TSHZ2: variants seen among roughly 807,000 people sequenced by gnomAD.
TSHZ2 encodes the protein teashirt homolog 2.
In TSHZ2, 21 loss-of-function variants were observed where a neutral mutation model predicts 74.4. That is an observed-to-expected ratio of 0.28 (90% CI 0.20 to 0.41). TSHZ2 has a LOEUF of 0.41. Ranked by LOEUF, TSHZ2 falls within the 10% of genes least tolerant of loss-of-function variation. The pLI is 1.00. For missense variants in TSHZ2, 1,244 were observed against 1,293.5 expected (o/e 0.96, Z 0.59); for synonymous variants, 540 against 515.3 (o/e 1.05, Z -0.65).
At chr20:53,277,747 A>G (rs1990975954) in intron 2 of TSHZ2, among the ~76,000 whole-genome samples, 1 of 152,228 alleles carries the variant, frequency 6.6e-6, no homozygotes, top group African/African-American at 2.4e-5. Flanking sequence ...AGGAAAGCAC[A>G]TACCCTTAAA....
chr20:53,429,830 T>C (rs1485956788), intron 2 of TSHZ2, among the ~76,000 whole-genome samples: 1 of 152,140 alleles, frequency 6.6e-6, no homozygotes, highest in Non-Finnish European at 1.5e-5. Context: ...ATTGTGTGTG[T>C]GTGTGTCAGG....
At position 53,491,918 on chromosome 20, in the gene TSHZ2, T is replaced by C. The variant is rs543089037; in HGVS notation, c.*4783T>C. 2.0e-5 allele frequency: 3 copies of C among 152,234 alleles called. No homozygotes were observed. In the East Asian group the frequency reaches 5.8e-4, roughly 29 times the overall value. The allele number at this position is 152,234 out of a possible 1,614,324, so 9.4% of individuals were successfully genotyped here. On this transcript the variant is annotated 3_prime_UTR_variant, in exon 3 of 3. Coordinates refer to ENST00000371497, the MANE Select transcript of TSHZ2 (RefSeq NM_173485.6). ...AAGGCCTTTTAAAATACAGGCTGTT[T>C]GAAAAAAGACAGATTAAATATTCAC... is the stretch of plus-strand genomic sequence containing the variant.
chr20:53,368,228 T>C (rs1203319431), intron 2 of TSHZ2, among the ~76,000 whole-genome samples: 4 of 151,712 alleles, frequency 2.6e-5, no homozygotes, highest in Non-Finnish European at 5.9e-5. Flanking sequence ...ACGAGATCTT[T>C]ACACAGAACG....
At chr20:53,048,262 A>G (rs1984299845) in intron 1 of TSHZ2, among the ~76,000 whole-genome samples, 1 of 152,168 alleles carries the variant, frequency 6.6e-6, no homozygotes. Flanking sequence ...CTTTGTTTTC[A>G]TAAGTTACAA....
intron 1 of TSHZ2, among the ~76,000 whole-genome samples, chr20:53,044,108 G>T (rs1207626155): frequency 1.3e-5 from 2 of 152,204 alleles, no homozygotes; most frequent in Non-Finnish European, 2.9e-5. Flanking sequence ...TCCCTTGTTT[G>T]AAATGCTTAG....
intron 2 of TSHZ2, among the ~76,000 whole-genome samples, chr20:53,459,019 C>T (rs1006809627): frequency 2.0e-5 from 3 of 152,002 alleles, no homozygotes; most frequent in African/African-American, 7.3e-5. Context: ...TGGTGCGGTG[C>T]TGAAAAAAAT....
rs76218143 is a variant in TSHZ2 at position 52,993,902 on chromosome 20, G to A, written c.40+20569G>A. Among the ~76,000 whole-genome samples, 915 of 152,298 alleles carry A rather than the reference G, an allele frequency of 6.0e-3. 15 individuals carry two copies. Among genetic ancestry groups the A allele is most frequent in the African/African-American group, 0.021 (864 of 41,564 alleles). On this transcript the variant is annotated intron_variant, in intron 1 of 2. Transcript: ENST00000371497. ...CACCCTTGCCTTCCGGAGGAGCAAA[G>A]GGAAGTTTGTGGGGTGAGGATGTGA...
intron 1 of TSHZ2, among the ~76,000 whole-genome samples, chr20:53,200,480 T>C (rs555634092): frequency 2.6e-5 from 4 of 152,332 alleles, no homozygotes; most frequent in Admixed American, 2.6e-4. Context: ...CGGATAACTG[T>C]AATTGTTACT....
At chr20:53,046,307 C>T (rs1427505061) in intron 1 of TSHZ2, among the ~76,000 whole-genome samples, 1 of 152,188 alleles carries the variant, frequency 6.6e-6, no homozygotes, top group East Asian at 1.9e-4. Flanking sequence ...CCCTCCACAG[C>T]CACGTGACCT....
At chr20:52,986,485 T>G (rs949455306) in intron 1 of TSHZ2, among the ~76,000 whole-genome samples, 4 of 151,316 alleles carry the variant, frequency 2.6e-5, no homozygotes, top group Admixed American at 2.6e-4. Context: ...ATCCTAGCAC[T>G]ATGGGAAGCC....
chr20:53,392,819 T>A (rs1242271814), intron 2 of TSHZ2, among the ~76,000 whole-genome samples: 1 of 152,160 alleles, frequency 6.6e-6, no homozygotes, highest in Non-Finnish European at 1.5e-5. Context: ...GTAATCAGCA[T>A]AATAATGCAA....
At chr20:53,330,247 A>G (rs922778903) in intron 2 of TSHZ2, among the ~76,000 whole-genome samples, 8 of 152,190 alleles carry the variant, frequency 5.3e-5, no homozygotes, top group African/African-American at 1.4e-4. Context: ...AGGAAATGTA[A>G]GAAGAAGCCC....
intron 2 of TSHZ2, among the ~76,000 whole-genome samples, chr20:53,362,744 G>A (rs1388636437): frequency 3.9e-5 from 6 of 152,140 alleles, no homozygotes; most frequent in African/African-American, 9.7e-5. Flanking sequence ...ATGTCATGCC[G>A]AAGTATTTAA....
intron 1 of TSHZ2, among the ~76,000 whole-genome samples, chr20:53,245,738 G>A (rs1312069111): frequency 6.6e-6 from 1 of 152,154 alleles, no homozygotes; most frequent in Non-Finnish European, 1.5e-5. Context: ...AATAGTATGG[G>A]TTTACAATAC....
intron 2 of TSHZ2, chr20:53,398,341 A>C (rs373833480): frequency 1.3e-5 from 2 of 152,256 alleles, no homozygotes. Flanking sequence ...CTGCTTACCA[A>C]ATCATCGATT....
At chr20:53,439,005 A>G (rs1236169837) in intron 2 of TSHZ2, among the ~76,000 whole-genome samples, 1 of 152,200 alleles carries the variant, frequency 6.6e-6, no homozygotes, top group Non-Finnish European at 1.5e-5. Flanking sequence ...GGAAACAACA[A>G]TTATTTATGG....
chr20:53,339,367 C>G (rs1221606873), intron 2 of TSHZ2, among the ~76,000 whole-genome samples: 1 of 152,110 alleles, frequency 6.6e-6, no homozygotes, highest in African/African-American at 2.4e-5. Flanking sequence ...GCCTCAAGCT[C>G]TCATAGTATT....
intron 1 of TSHZ2, among the ~76,000 whole-genome samples, chr20:53,133,603 C>T (rs1987164373): frequency 6.6e-6 from 1 of 152,202 alleles, no homozygotes; most frequent in African/African-American, 2.4e-5. Flanking sequence ...CTTAAAAATA[C>T]ATATATTTAC....
At chr20:53,291,472 CAA>C (rs11478745) in intron 2 of TSHZ2, among the ~76,000 whole-genome samples, 5,158 of 101,670 alleles carry the variant, frequency 0.051, 304 homozygotes, top group African/African-American at 0.17. Context: ...GACTCTGTCT[CAA>C]AAAAAAAAAA....
Sources: allele counts gnomAD v4.1 joint callset (sites outside exome capture counted in the v4.1 genomes callset), GRCh38; gene constraint gnomAD v4.1.1; transcripts MANE v1.5; gene names NCBI Gene and HGNC (gene_info 2026-07-23, HGNC 2026-07-21).